The following FAM120C variants were observed in gnomAD, a reference collection of about 807,000 sequenced individuals.
FAM120C encodes constitutive coactivator of PPAR-gamma-like protein 2.
In FAM120C, 14 loss-of-function variants were observed where a neutral mutation model predicts 71.2. The observed-to-expected ratio is 0.20, with a 90% CI of 0.13 to 0.31. FAM120C has a LOEUF of 0.31. Ranked by LOEUF, FAM120C falls within the 10% of genes least tolerant of loss-of-function variation. The pLI, the probability that FAM120C is intolerant of heterozygous loss-of-function variation, is 1.00. For missense variants in FAM120C, 500 were observed against 879.0 expected, an observed-to-expected ratio of 0.57 and a Z score of 5.45; for synonymous variants, 354 against 353.2, an observed-to-expected ratio of 1.00 and a Z score of -0.03.
intron 14 of FAM120C, 36 bp downstream of exon 14, chrX:54,081,286 G>A: frequency 8.6e-7 from 1 of 1,167,471 alleles, no homozygotes; most frequent in Non-Finnish European, 1.1e-6. Flanking sequence ...ATTTTCCCAA[G>A]GGGACTAGCT....
intron 3 of FAM120C, among the ~76,000 whole-genome samples, chrX:54,156,668 CTTGAGATCAA>C (rs1449746064): frequency 9.2e-6 from 1 of 109,261 alleles, no homozygotes; most frequent in Non-Finnish European, 1.9e-5. Flanking sequence ...GGGAAGATCA[CTTGAGATCAA>C]GAGTTCGAGA....
Position 54,080,860 on chromosome X carries a change from C to T in FAM120C, c.2978+462G>A, listed in dbSNP as rs188115246. ...CTGGGAAACAAGTGAAACTCCATCT[C>T]AAGAAAAAAAAAAAAAAAAGGAAAG... On this transcript the variant is annotated intron_variant, in intron 14 of 15. Transcript: ENST00000375180. 1.4e-3 allele frequency among the ~76,000 whole-genome samples: 31 copies of T among 22,457 alleles called. No individual in the cohort carries two copies. In the East Asian group the frequency reaches 0.048, roughly 35 times the overall value. The allele number at this position is 22,457 out of a possible 115,157, so 19.5% of individuals were successfully genotyped here.
Position 54,071,563 on chromosome X carries a change from T to C in FAM120C, c.*1470A>G, listed in dbSNP as rs782148650. On this transcript the variant is annotated 3_prime_UTR_variant, in exon 16 of 16. Coordinates refer to ENST00000375180, the MANE Select transcript of FAM120C (RefSeq NM_017848.6). Reference sequence around the variant, plus strand: ...TTTGACCCTGGAGTTCCAGAAGAGATTTCCTCCAAATTGGCTGAAAGCCCT... The same window carrying C: ...TTTGACCCTGGAGTTCCAGAAGAGACTTCCTCCAAATTGGCTGAAAGCCCT... The C allele has an allele frequency of 7.1e-5, 8 of 112,550 alleles. No homozygotes were observed. Among genetic ancestry groups the C allele is most frequent in the Admixed American group, 4.7e-4 (5 of 10,644 alleles). 9.3% of individuals were successfully genotyped at this position (112,550 alleles called of 1,213,427 possible).
chrX:54,157,775 T>C lies in FAM120C; in HGVS notation c.947-4A>G. 4 of 1,180,711 alleles carry C rather than the reference T, an allele frequency of 3.4e-6. No homozygotes were observed. Among genetic ancestry groups the C allele is most frequent in the Non-Finnish European group, 4.6e-6 (4 of 868,872 alleles). Reference sequence around the variant, plus strand: ...TCATCTGGGAGGATGTGGTTACCTATAAAGTACATTTGTCATTCATTGACT... The same window carrying C: ...TCATCTGGGAGGATGTGGTTACCTACAAAGTACATTTGTCATTCATTGACT... On this transcript the variant is annotated splice_polypyrimidine_tract_variant and splice_region_variant and intron_variant, in intron 2 of 15. Transcript: ENST00000375180.
At chrX:54,181,718 T>C (rs2067350990) in intron 1 of FAM120C, among the ~76,000 whole-genome samples, 2 of 112,144 alleles carry the variant, frequency 1.8e-5, no homozygotes, top group South Asian at 7.3e-4. Context: ...ACCACTTTAG[T>C]CCAAAGATAT....
chrX:54,101,858 G>C (rs1467318032), intron 10 of FAM120C, among the ~76,000 whole-genome samples: 1 of 111,365 alleles, frequency 9.0e-6, no homozygotes, highest in Non-Finnish European at 1.9e-5. Context: ...TCTCTAAGGA[G>C]TTATAAACTC....
At chrX:54,095,628 T>C (rs2066847253) in intron 10 of FAM120C, among the ~76,000 whole-genome samples, 1 of 111,605 alleles carries the variant, frequency 9.0e-6, no homozygotes, top group Non-Finnish European at 1.9e-5. Flanking sequence ...ATTACAGGCG[T>C]GAGCCACTGC....
intron 1 of FAM120C, among the ~76,000 whole-genome samples, chrX:54,166,526 A>G (rs1557135182): frequency 8.9e-6 from 1 of 111,960 alleles, no homozygotes; most frequent in African/African-American, 3.2e-5. Context: ...GCCCATCAAT[A>G]AGGGACGAGT....
At chrX:54,151,417 A>G (rs1603362300) in intron 3 of FAM120C, 44 bp from the exon 4 acceptor site, 2 of 1,172,299 alleles carry the variant, frequency 1.7e-6, no homozygotes, top group East Asian at 3.0e-5. Context: ...TCAAAGATGG[A>G]TCACTAAGAA....
At chrX:54,090,071 A>C (rs1396937574) in intron 11 of FAM120C, among the ~76,000 whole-genome samples, 22 of 111,037 alleles carry the variant, frequency 2.0e-4, no homozygotes, top group Non-Finnish European at 3.6e-4. Context: ...ATTGCATGTT[A>C]AAATGTGATC....
chrX:54,143,481 G>C (rs1292415798), intron 4 of FAM120C, among the ~76,000 whole-genome samples: 2 of 112,502 alleles, frequency 1.8e-5, no homozygotes, highest in East Asian at 5.6e-4. Flanking sequence ...TGATAAAGGG[G>C]ATATCACCAC....
At position 54,182,972 on chromosome X, in the gene FAM120C, G is replaced by GAGT; in HGVS notation, c.224_226dup (p.Tyr75dup). 8.6e-7 allele frequency: 1 copy of GAGT among 1,162,149 alleles called. No homozygotes were observed. Among genetic ancestry groups the GAGT allele is most frequent in the East Asian group, 3.3e-5 (1 of 30,574 alleles). On this transcript the variant is annotated inframe_insertion, in exon 1 of 16. Transcript: ENST00000375180. ...GTGCCGAGTCGGCCCCGCGCCCCCGGAGTAGGCACCCAAGGCAGCGGGCGG... is the reference window on the plus strand; with the variant it reads ...GTGCCGAGTCGGCCCCGCGCCCCCGGAGTAGTAGGCACCCAAGGCAGCGGGCGG...
At chrX:54,078,670 G>C (rs1355880164) in intron 15 of FAM120C, among the ~76,000 whole-genome samples, 2 of 111,509 alleles carry the variant, frequency 1.8e-5, no homozygotes, top group African/African-American at 6.5e-5. Context: ...ACTACATGTA[G>C]AATGTCTAGA....
Position 54,178,685 on chromosome X carries a change from A to G in FAM120C, c.699+3815T>C, listed in dbSNP as rs145440571. Among the ~76,000 whole-genome samples, 407 of 111,980 alleles carry G rather than the reference A, an allele frequency of 3.6e-3. 2 individuals are homozygous for G. The highest frequency in any genetic ancestry group is 0.012 in the African/African-American group (382 of 30,935). ...TTGATTATTTTCCAACGACTAGAGC[A>G]TCTAGAAAAGTCAATGACTTTTCAG... On this transcript the variant is annotated intron_variant, in intron 1 of 15. Coordinates refer to ENST00000375180, the MANE Select transcript of FAM120C (RefSeq NM_017848.6).
chrX:54,144,046 G>C (rs1363935983), intron 4 of FAM120C, among the ~76,000 whole-genome samples: 2 of 111,856 alleles, frequency 1.8e-5, no homozygotes, highest in Non-Finnish European at 3.8e-5. Context: ...CATATAAACA[G>C]AAGCAAAGAC....
chrX:54,079,248 C>T (rs377451388), intron 15 of FAM120C, among the ~76,000 whole-genome samples: 8 of 93,140 alleles, frequency 8.6e-5, no homozygotes, highest in African/African-American at 1.6e-4. Context: ...GACAGCAGAG[C>T]GAGACTCATC....
chrX:54,181,674 G>A (rs979005529), intron 1 of FAM120C, among the ~76,000 whole-genome samples: 1 of 111,914 alleles, frequency 8.9e-6, no homozygotes, highest in Non-Finnish European at 1.9e-5. Context: ...GAAGACCCAG[G>A]TGAGGTCCGA....
chrX:54,155,128 C>T (rs1713451683), intron 3 of FAM120C, among the ~76,000 whole-genome samples: 1 of 111,404 alleles, frequency 9.0e-6, no homozygotes, highest in Non-Finnish European at 1.9e-5. Flanking sequence ...CAATTGAGTC[C>T]GGGAGTTCGA....
At chrX:54,128,203 T>C (rs781902391) in intron 9 of FAM120C, among the ~76,000 whole-genome samples, 57 of 109,715 alleles carry the variant, frequency 5.2e-4, no homozygotes, top group Non-Finnish European at 9.3e-4. Context: ...GGATTACAAG[T>C]GTGTGCCACC....
Sources: allele counts gnomAD v4.1 joint callset (sites outside exome capture counted in the v4.1 genomes callset), GRCh38; gene constraint gnomAD v4.1.1; transcripts MANE v1.5; gene names NCBI Gene and HGNC (gene_info 2026-07-23, HGNC 2026-07-21).